The following STAG1 variants were observed in gnomAD, a reference collection of about 807,000 sequenced individuals.
STAG1 encodes the protein cohesin subunit SA-1.
A neutral mutation model predicts 170.9 loss-of-function variants in STAG1; 26 were observed. The ratio of observed to expected loss-of-function variants is 0.15; its 90% CI spans 0.11 to 0.21. The LOEUF is 0.21. Ranked by LOEUF, STAG1 falls within the 10% of genes least tolerant of loss-of-function variation. The probability of loss-of-function intolerance (pLI) is 1.00; values close to 1 mark genes in which losing one functional copy is unlikely to be tolerated. For missense variants in STAG1, 964 were observed against 1,509.5 expected, an observed-to-expected ratio of 0.64 and a Z score of 5.99; for synonymous variants, 514 against 497.7, an observed-to-expected ratio of 1.03 and a Z score of -0.44.
intron 1 of STAG1, among the ~76,000 whole-genome samples, chr3:136,681,132 A>C (rs1942319724): frequency 6.6e-6 from 1 of 152,178 alleles, no homozygotes; most frequent in African/African-American, 2.4e-5. Flanking sequence ...TTTTTTCCCC[A>C]AAATATTTTC....
chr3:136,535,390 C>T (rs1020618843), intron 6 of STAG1, among the ~76,000 whole-genome samples: 4 of 152,126 alleles, frequency 2.6e-5, no homozygotes, highest in East Asian at 1.9e-4. Flanking sequence ...GAGCTGGGTG[C>T]GGTGGCTCAT....
chr3:136,667,962 C>A (rs1264963431), intron 1 of STAG1, among the ~76,000 whole-genome samples: 1 of 151,702 alleles, frequency 6.6e-6, no homozygotes, highest in African/African-American at 2.4e-5. Context: ...CTGAGGCAGG[C>A]GGATTGCTTG....
chr3:136,536,956 A>C (rs1343492209), intron 6 of STAG1, among the ~76,000 whole-genome samples: 2 of 152,158 alleles, frequency 1.3e-5, no homozygotes, highest in African/African-American at 4.8e-5. Context: ...AGCTATTATT[A>C]TTACTATTCA....
At chr3:136,696,650 A>G (rs1181622347) in intron 1 of STAG1, among the ~76,000 whole-genome samples, 1 of 152,204 alleles carries the variant, frequency 6.6e-6, no homozygotes, top group Non-Finnish European at 1.5e-5. Flanking sequence ...TGAACCCTCT[A>G]TACTTACTGC....
intron 1 of STAG1, among the ~76,000 whole-genome samples, chr3:136,664,541 C>A (rs1194562884): frequency 2.0e-5 from 3 of 152,190 alleles, no homozygotes; most frequent in Non-Finnish European, 2.9e-5. Context: ...ACCTTTCTTC[C>A]TATTACTAAC....
At chr3:136,416,844 CT>C (rs66573534) in intron 21 of STAG1, among the ~76,000 whole-genome samples, 37,241 of 126,954 alleles carry the variant, frequency 0.29, 3,597 homozygotes, top group African/African-American at 0.41. Flanking sequence ...TCATAATTAA[CT>C]TTTTTTTTTT....
At chr3:136,536,363 G>GT (rs1282354410) in intron 6 of STAG1, among the ~76,000 whole-genome samples, 2 of 152,138 alleles carry the variant, frequency 1.3e-5, no homozygotes, top group Non-Finnish European at 2.9e-5. Context: ...CTGAAAAAGT[G>GT]TAACTGTTAC....
chr3:136,520,056 G>A (rs1248962866), intron 7 of STAG1, among the ~76,000 whole-genome samples: 1 of 151,996 alleles, frequency 6.6e-6, no homozygotes, highest in Non-Finnish European at 1.5e-5. Flanking sequence ...AACTGAGTAA[G>A]GGAAAAATGA....
chr3:136,702,075 A>AGAGAGAG (rs1943081587), intron 1 of STAG1, among the ~76,000 whole-genome samples: 1 of 92,164 alleles, frequency 1.1e-5, no homozygotes. Flanking sequence ...ACCATGCCGA[A>AGAGAGAG]AGAGAGAGAG....
chr3:136,724,780 G>A (rs1166819023), intron 1 of STAG1, among the ~76,000 whole-genome samples: 1 of 152,072 alleles, frequency 6.6e-6, no homozygotes, highest in East Asian at 1.9e-4. Flanking sequence ...CAAAGCAGAT[G>A]AACATATTTT....
intron 15 of STAG1, among the ~76,000 whole-genome samples, chr3:136,438,358 GA>G (rs141564169): frequency 0.063 from 9,542 of 151,742 alleles, 443 homozygotes; most frequent in Non-Finnish European, 0.098. Flanking sequence ...GAGTAGCTGG[GA>G]TGACAAGGCG....
chr3:136,733,331 C>A (rs1444973557), intron 1 of STAG1, among the ~76,000 whole-genome samples: 1 of 152,058 alleles, frequency 6.6e-6, no homozygotes, highest in Non-Finnish European at 1.5e-5. Context: ...AATGATCCAC[C>A]CACCTCAGCG....
intron 27 of STAG1, 76 bp from the exon 28 acceptor site, chr3:136,357,924 T>C: frequency 1.6e-6 from 2 of 1,254,822 alleles, no homozygotes; most frequent in Middle Eastern, 1.9e-4. Flanking sequence ...ACACAAATAT[T>C]TGTGAAGGTA....
chr3:136,464,821 TA>T, intron 13 of STAG1, 59 bp downstream of exon 13: 1 of 1,430,984 alleles, frequency 7.0e-7, no homozygotes, highest in Non-Finnish European at 9.6e-7. Flanking sequence ...CTACAAACTC[TA>T]AAACAACAAG....
intron 13 of STAG1, among the ~76,000 whole-genome samples, chr3:136,459,210 C>G (rs547005775): frequency 4.1e-4 from 59 of 143,512 alleles, no homozygotes; most frequent in Non-Finnish European, 3.2e-4. Flanking sequence ...GAGCGAGACT[C>G]TGTCTTAAAG....
intron 14 of STAG1, among the ~76,000 whole-genome samples, chr3:136,445,220 G>C (rs1171766149): frequency 6.6e-6 from 1 of 151,918 alleles, no homozygotes; most frequent in Non-Finnish European, 1.5e-5. Flanking sequence ...TAGCATCTTT[G>C]CTTGTAAATA....
Position 136,418,360 on chromosome 3 carries a change from C to CA in STAG1, c.2109-389dup, listed in dbSNP as rs767401141. On this transcript the variant is annotated intron_variant, in intron 20 of 33. Coordinates refer to ENST00000383202, the MANE Select transcript of STAG1 (RefSeq NM_005862.3). The stretch of plus-strand genomic sequence containing the variant: ...GGGTAACTGAGCAAGACTCTGTCTC[C>CA]AAAAAAAAAAAAAAAAAAAAAAAAA... Among the ~76,000 whole-genome samples the CA allele has an allele frequency of 3.2e-3, 160 of 49,752 alleles. 20 individuals are homozygous for CA. The highest frequency in any genetic ancestry group is 7.3e-3 in the African/African-American group (68 of 9,266). The allele number at this position is 49,752 out of a possible 152,430, so 32.6% of individuals were successfully genotyped here.
chr3:136,425,208 T>A (rs1476349632), intron 16 of STAG1, among the ~76,000 whole-genome samples: 1 of 152,106 alleles, frequency 6.6e-6, no homozygotes, highest in African/African-American at 2.4e-5. Flanking sequence ...GAACTTTCAG[T>A]AGTGCATCCA....
In STAG1 at chr3:136,452,134, G is replaced by A; in HGVS notation, c.1327C>T (p.His443Tyr). Residue 443 changes from histidine to tyrosine, a missense_variant, in exon 14 of 34, where the codon CAT becomes TAT. Around this residue, in one of 11 missense-constraint regions of STAG1, gnomAD observed 162 missense variants for 211.2 expected, o/e 0.77. Transcript: ENST00000383202. ...AATGCTTCTTCTGCTTGTGGGTCAT[G>A]TCTGCTAAATAGCCTGGAAATGAAA... Reference protein sequence around the residue: ...EFLHKKLFSRHDPQAEEALAK... With the variant: ...EFLHKKLFSRYDPQAEEALAK... 1 of 1,612,342 alleles carries A rather than the reference G, an allele frequency of 6.2e-7. No homozygotes were observed. Among genetic ancestry groups the A allele is most frequent in the Non-Finnish European group, 8.5e-7 (1 of 1,179,128 alleles).
Sources: allele counts gnomAD v4.1 joint callset (sites outside exome capture counted in the v4.1 genomes callset), GRCh38; gene constraint gnomAD v4.1.1; regional missense constraint gnomAD v4.1.1; transcripts MANE v1.5; gene names NCBI Gene and HGNC (gene_info 2026-07-23, HGNC 2026-07-21).